TFCP2L1: variants seen among roughly 807,000 people sequenced by gnomAD.
TFCP2L1 encodes the protein transcription factor CP2 like 1.
A neutral mutation model predicts 72.2 loss-of-function variants in TFCP2L1; 12 were observed. The observed-to-expected ratio is 0.17, with a 90% confidence interval of 0.11 to 0.27. The LOEUF (loss-of-function observed/expected upper bound fraction) is 0.27, where lower values mean the gene tolerates loss of function less well. Ranked by LOEUF, TFCP2L1 falls within the 10% of genes least tolerant of loss-of-function variation. The pLI is 1.00. For missense variants in TFCP2L1, 488 were observed against 624.6 expected (o/e 0.78, Z 2.33); for synonymous variants, 260 against 251.0 (o/e 1.04, Z -0.34).
chr2:121,279,896 G>A (rs1687220853), intron 2 of TFCP2L1, among the ~76,000 whole-genome samples: 1 of 152,126 alleles, frequency 6.6e-6, no homozygotes. Context: ...TGGGTGGGTG[G>A]CCAGAACTGT....
rs754926751 is a variant in TFCP2L1, at chr2:121,246,997, G to C, written c.505-27C>G. 1.9e-6 allele frequency: 3 copies of C among 1,613,358 alleles called. No individual in the cohort carries two copies. The South Asian group carries it at 3.3e-5, about 18-fold the overall frequency. ...TGGGAGGAGAAACGTTGGGCAGGTG[G>C]CAAGGAGGCACCAAGCAGGGTGCCC... On this transcript the variant is annotated intron_variant, in intron 5 of 14. Transcript: ENST00000263707.
At chr2:121,252,802 G>A (rs1396083900) in intron 2 of TFCP2L1, among the ~76,000 whole-genome samples, 1 of 152,150 alleles carries the variant, frequency 6.6e-6, no homozygotes, top group Non-Finnish European at 1.5e-5. Context: ...CACGTTTGTA[G>A]CAACTTGTTA....
chr2:121,228,496 A>G (rs1686075787), intron 13 of TFCP2L1, among the ~76,000 whole-genome samples: 1 of 151,862 alleles, frequency 6.6e-6, no homozygotes, highest in Non-Finnish European at 1.5e-5. Flanking sequence ...ACAGTGGCTC[A>G]CACCTGTAAT....
At chr2:121,240,101 C>T (rs993166396) in intron 7 of TFCP2L1, 138 of 985,176 alleles carry the variant, frequency 1.4e-4, no homozygotes, top group Non-Finnish European at 1.6e-4. Context: ...GTATTAAAAC[C>T]TGTGCTATTT....
At chr2:121,252,041 C>CATTCT (rs1037583876) in intron 2 of TFCP2L1, among the ~76,000 whole-genome samples, 34 of 152,080 alleles carry the variant, frequency 2.2e-4, no homozygotes, top group East Asian at 9.6e-4. Context: ...TATTCTATTC[C>CATTCT]ATTCTATTCT....
chr2:121,239,082 G>A (rs571105886), intron 8 of TFCP2L1, among the ~76,000 whole-genome samples: 8 of 152,160 alleles, frequency 5.3e-5, no homozygotes, highest in African/African-American at 1.4e-4. Context: ...TGTGGCCTGT[G>A]TGTCTGCAGA....
At chr2:121,232,034 G>A (rs766492533) in intron 12 of TFCP2L1, 66 bp from the exon 13 acceptor site, 48 of 1,509,718 alleles carry the variant, frequency 3.2e-5, no homozygotes, top group South Asian at 7.9e-5. Flanking sequence ...CCTCCCACCC[G>A]CCCTGAGAAA....
intron 2 of TFCP2L1, among the ~76,000 whole-genome samples, chr2:121,270,859 A>C (rs1171700168): frequency 4.0e-5 from 6 of 148,964 alleles, no homozygotes; most frequent in Admixed American, 4.0e-4. Context: ...ACAGAGCTAG[A>C]CTCCATCTCT....
intron 8 of TFCP2L1, among the ~76,000 whole-genome samples, chr2:121,238,994 G>A (rs527654056): frequency 1.2e-4 from 19 of 152,178 alleles, no homozygotes; most frequent in African/African-American, 4.6e-4. Context: ...GAGCCATCAC[G>A]GTGACCCATG....
chr2:121,235,383 A>C, intron 10 of TFCP2L1, 72 bp from the exon 11 acceptor site: 4 of 1,375,864 alleles, frequency 2.9e-6, no homozygotes, highest in Non-Finnish European at 4.1e-6. Flanking sequence ...AACCAGCTGC[A>C]GACCCCATAG....
chr2:121,234,024 C>G, intron 12 of TFCP2L1, 67 bp downstream of exon 12: 1 of 1,397,714 alleles, frequency 7.2e-7, no homozygotes, highest in Non-Finnish European at 1.0e-6. Flanking sequence ...AGAGGCCAGA[C>G]TGCGGGCTTG....
Position 121,224,104 on chromosome 2 carries a change from A to G in TFCP2L1, c.*237T>C, listed in dbSNP as rs976419927. ...TTGGACCAATAGAAAAGAACAAGGA[A>G]CCATTCAAAATCTGGAGGCCAAGAG... On this transcript the variant is annotated 3_prime_UTR_variant, in exon 15 of 15. Coordinates refer to ENST00000263707, the MANE Select transcript of TFCP2L1 (RefSeq NM_014553.3). 92 of 584,612 alleles carry G rather than the reference A, an allele frequency of 1.6e-4. No homozygotes were observed. The African/African-American group carries it at 1.6e-3, about 10-fold the overall frequency. 36.2% of individuals were successfully genotyped at this position (584,612 alleles called of 1,614,324 possible).
intron 13 of TFCP2L1, among the ~76,000 whole-genome samples, chr2:121,230,683 G>A (rs1686123365): frequency 1.3e-5 from 2 of 152,124 alleles, no homozygotes; most frequent in Non-Finnish European, 2.9e-5. Flanking sequence ...TGAGGTGGGA[G>A]GATGGCCTGA....
At chr2:121,274,094 CAAAAAAAAAAA>C (rs569943932) in intron 2 of TFCP2L1, among the ~76,000 whole-genome samples, 1 of 60,802 alleles carries the variant, frequency 1.6e-5, no homozygotes, top group Non-Finnish European at 3.5e-5. Flanking sequence ...ACTCTGTCTC[CAAAAAAAAAAA>C]AAAAGAAAAA....
chr2:121,244,787 C>A (rs1394658844), intron 6 of TFCP2L1, among the ~76,000 whole-genome samples: 1 of 152,136 alleles, frequency 6.6e-6, no homozygotes, highest in East Asian at 1.9e-4. Context: ...TGACGGGGGC[C>A]AAGGCTGGCA....
intron 13 of TFCP2L1, among the ~76,000 whole-genome samples, chr2:121,227,834 G>GA (rs1320185560): frequency 6.6e-6 from 1 of 151,172 alleles, no homozygotes; most frequent in African/African-American, 2.4e-5. Context: ...TTACTGCCTC[G>GA]AATCTTGCAA....
intron 13 of TFCP2L1, among the ~76,000 whole-genome samples, chr2:121,227,085 A>G (rs1686045302): frequency 6.6e-6 from 1 of 152,230 alleles, no homozygotes; most frequent in African/African-American, 2.4e-5. Context: ...GACCTTCCAA[A>G]CAAAATGTGA....
chr2:121,235,127 C>T (rs1183495427), intron 11 of TFCP2L1, 94 bp downstream of exon 11: 8 of 1,382,350 alleles, frequency 5.8e-6, no homozygotes, highest in Admixed American at 3.6e-5. Context: ...CCCAGCCAGA[C>T]CACCCACCAT....
At chr2:121,228,887 ATGGCTG>A (rs200213377) in intron 13 of TFCP2L1, among the ~76,000 whole-genome samples, 2,991 of 150,968 alleles carry the variant, frequency 0.02, 114 homozygotes, top group African/African-American at 0.067. Flanking sequence ...AGATAAATGT[ATGGCTG>A]CGTGTTTGCT....
Sources: gnomAD v4.1 joint callset for allele counts (sites outside exome capture counted in the v4.1 genomes callset) on GRCh38, gnomAD v4.1.1 for gene constraint, MANE v1.5 for transcripts, NCBI Gene and HGNC (gene_info 2026-07-23, HGNC 2026-07-21) for gene names.